Variants in PCDHGB7 observed in about 807,000 individuals in gnomAD.
The protein encoded by PCDHGB7 is protocadherin gamma subfamily B, 7.
A neutral mutation model predicts 61.4 loss-of-function variants in PCDHGB7; 37 were observed. The observed-to-expected ratio is 0.60, with a 90% CI of 0.46 to 0.79. The LOEUF (loss-of-function observed/expected upper bound fraction) is 0.79. Among genes scored for constraint, PCDHGB7 ranks in the 30% least tolerant of loss-of-function variants. The pLI, the probability that PCDHGB7 is intolerant of heterozygous loss-of-function variation, is 0.00. For synonymous variants in PCDHGB7, 464 were observed against 503.5 expected (o/e 0.92, Z 1.05); for missense variants, 1,166 against 1,202.5 (o/e 0.97, Z 0.45).
intron 1 of PCDHGB7, among the ~76,000 whole-genome samples, chr5:141,461,181 A>T (rs1322465700): frequency 1.3e-5 from 2 of 152,104 alleles, no homozygotes; most frequent in Non-Finnish European, 2.9e-5. Flanking sequence ...ATTGAATGGT[A>T]GATCTGTTTT....
At chr5:141,508,440 T>C (rs2099868879) in intron 3 of PCDHGB7, among the ~76,000 whole-genome samples, 1 of 152,186 alleles carries the variant, frequency 6.6e-6, no homozygotes, top group African/African-American at 2.4e-5. Context: ...CACAGTTCCT[T>C]AGTGGCAGAG....
In PCDHGB7 at chr5:141,433,363, CTATCT is replaced by C. The variant is rs2097590943; in HGVS notation, c.2415+13090_2415+13094del. On this transcript the variant is annotated intron_variant, in intron 1 of 3. Transcript: ENST00000398594. ...TGCAAGCCACCTACTGTCTGCCTAT[CTATCT>C]ATCTATCTATCTATCTATCTATCTA... 4 of 463,386 alleles carry C rather than the reference CTATCT, an allele frequency of 8.6e-6. No homozygotes were observed. The African/African-American group carries it at 1.1e-4, about 13-fold the overall frequency. 28.7% of individuals were successfully genotyped at this position (463,386 alleles called of 1,614,324 possible). A position where few individuals can be genotyped will look rare whatever the true frequency, so the allele number is the denominator to read the frequency against.
At chr5:141,429,297 T>C (rs985228754) in intron 1 of PCDHGB7, 7 of 152,208 alleles carry the variant, frequency 4.6e-5, no homozygotes, top group Admixed American at 3.3e-4. Flanking sequence ...GGGACATCAA[T>C]ATTTGAGTAT....
chr5:141,507,206 G>A (rs1392293998), intron 3 of PCDHGB7: 2 of 152,376 alleles, frequency 1.3e-5, no homozygotes, highest in African/African-American at 4.8e-5. Flanking sequence ...CCAGATCAGG[G>A]TTGCCAGATA....
intron 1 of PCDHGB7, chr5:141,426,860 A>T (rs771106873): frequency 2.6e-5 from 12 of 456,702 alleles, no homozygotes; most frequent in Admixed American, 2.3e-4. Flanking sequence ...CTCCAGAATT[A>T]GTGCTGGAGA....
intron 1 of PCDHGB7, chr5:141,423,360 G>T (rs762976655): frequency 1.2e-6 from 2 of 1,614,224 alleles, no homozygotes; most frequent in South Asian, 2.2e-5. Context: ...TTGTCATCGT[G>T]CTGCTGGCAC....
At chr5:141,459,236 G>A (rs1248794102) in intron 1 of PCDHGB7, among the ~76,000 whole-genome samples, 2 of 152,176 alleles carry the variant, frequency 1.3e-5, no homozygotes, top group African/African-American at 2.4e-5. Context: ...CAACTGGTCT[G>A]CTTCCTGTCA....
rs750014647 is a variant in PCDHGB7, at chr5:141,426,649, T to C, written c.2415+6375T>C. 53 of 418,716 alleles carry C rather than the reference T, an allele frequency of 1.3e-4. 1 individual carries two copies. Among genetic ancestry groups the C allele is most frequent in the South Asian group, 6.9e-4 (42 of 60,762 alleles). The allele number at this position is 418,716 out of a possible 1,614,324, so 25.9% of individuals were successfully genotyped here. On this transcript the variant is annotated intron_variant, in intron 1 of 3. Coordinates refer to ENST00000398594, the MANE Select transcript of PCDHGB7 (RefSeq NM_018927.4). Reference sequence around the variant, plus strand: ...AATGTTTTTCACATAAATGTGATGATAGAAGATATAAATGATAACCCACCT... The same window carrying C: ...AATGTTTTTCACATAAATGTGATGACAGAAGATATAAATGATAACCCACCT...
intron 1 of PCDHGB7, chr5:141,424,475 T>C (rs1399874639): frequency 2.6e-5 from 4 of 152,234 alleles, no homozygotes; most frequent in Admixed American, 2.0e-4. Context: ...ATTCTTTTAC[T>C]TTGGTGTCTG....
chr5:141,478,489 C>T (rs779457709), intron 1 of PCDHGB7: 99 of 1,613,162 alleles, frequency 6.1e-5, no homozygotes, highest in Non-Finnish European at 8.1e-5. Context: ...CGCTGCGGAG[C>T]TGTGATCCGG....
intron 1 of PCDHGB7, among the ~76,000 whole-genome samples, chr5:141,444,482 T>G (rs1346576719): frequency 6.6e-6 from 1 of 152,000 alleles, no homozygotes; most frequent in Non-Finnish European, 1.5e-5. Context: ...CGTACTGGAT[T>G]TATATTGTGT....
chr5:141,459,595 T>C (rs904266180), intron 1 of PCDHGB7, among the ~76,000 whole-genome samples: 10 of 152,232 alleles, frequency 6.6e-5, no homozygotes, highest in African/African-American at 9.6e-5. Context: ...TCATATGAAA[T>C]GGGAAGTATA....
chr5:141,500,124 A>G (rs1042231430), intron 2 of PCDHGB7, among the ~76,000 whole-genome samples: 2 of 151,656 alleles, frequency 1.3e-5, no homozygotes, highest in African/African-American at 2.4e-5. Flanking sequence ...GCCTTTTCAT[A>G]TATATCTTTC....
At chr5:141,452,161 A>G (rs559274240) in intron 1 of PCDHGB7, among the ~76,000 whole-genome samples, 1 of 152,204 alleles carries the variant, frequency 6.6e-6, no homozygotes, top group South Asian at 2.1e-4. Context: ...GTTATATTCT[A>G]TTACTAACAT....
chr5:141,419,732 G>A lies in PCDHGB7; in HGVS notation c.1873G>A (p.Glu625Lys), dbSNP rs2096422854. 1 of 1,613,792 alleles carries A rather than the reference G, an allele frequency of 6.2e-7. No homozygotes were observed. The highest frequency in any genetic ancestry group is 8.5e-7 in the Non-Finnish European group (1 of 1,179,860). The part of the protein sequence containing the change: ...GLFSLGLRTG[E>K]VRMVRALGDK... ...CTTCAGCCTGGGGCTGCGAACAGGC[G>A]AGGTGCGCATGGTGCGTGCTTTGGG... The change falls in exon 1 of 4, where the codon GAG becomes AAG. Residue 625 changes from glutamate (E) to lysine (K), a missense_variant. Physicochemically the swap from Glu to Lys is moderately conservative, Grantham distance 56. Coordinates refer to ENST00000398594, the MANE Select transcript of PCDHGB7 (RefSeq NM_018927.4).
At chr5:141,492,382 T>C (rs71583650) in intron 1 of PCDHGB7, among the ~76,000 whole-genome samples, 2,103 of 152,322 alleles carry the variant, frequency 0.014, 36 homozygotes, top group African/African-American at 0.031. Flanking sequence ...ACAGGCCTGT[T>C]CCGGTCCACT....
At chr5:141,423,102 C>A (rs778561065) in intron 1 of PCDHGB7, 2 of 1,613,802 alleles carry the variant, frequency 1.2e-6, no homozygotes, top group Non-Finnish European at 1.7e-6. Flanking sequence ...AGCACACGGG[C>A]GAGGTGCGTA....
At chr5:141,457,500 A>G (rs1483244745) in intron 1 of PCDHGB7, among the ~76,000 whole-genome samples, 1 of 152,244 alleles carries the variant, frequency 6.6e-6, no homozygotes, top group African/African-American at 2.4e-5. Context: ...AAATGTAGGC[A>G]AAAAGCTTAA....
At chr5:141,471,114 T>A (rs1210058743) in intron 1 of PCDHGB7, among the ~76,000 whole-genome samples, 1 of 150,256 alleles carries the variant, frequency 6.7e-6, no homozygotes, top group Non-Finnish European at 1.5e-5. Context: ...AGTGGTGCGA[T>A]CTTACCTTCA....
Sources: gnomAD v4.1 joint callset for allele counts (sites outside exome capture counted in the v4.1 genomes callset) on GRCh38, gnomAD v4.1.1 for gene constraint, MANE v1.5 for transcripts, NCBI Gene and HGNC (gene_info 2026-07-23, HGNC 2026-07-21) for gene names.